TNPO3: variants seen among roughly 807,000 people sequenced by gnomAD.
TNPO3 encodes the protein transportin 3.
In TNPO3, 65 loss-of-function variants were observed where a neutral mutation model predicts 122.8. The ratio of observed to expected loss-of-function variants is 0.53; its 90% CI spans 0.43 to 0.65. The LOEUF (loss-of-function observed/expected upper bound fraction) is 0.65, where lower values mean the gene tolerates loss of function less well. Ranked by LOEUF, TNPO3 falls within the 30% of genes least tolerant of loss-of-function variation. The pLI is 0.00. For synonymous variants in TNPO3, 372 were observed against 411.2 expected, an observed-to-expected ratio of 0.90 and a Z score of 1.15; for missense variants, 850 against 1,136.7, an observed-to-expected ratio of 0.75 and a Z score of 3.63.
rs77384553 is a variant in TNPO3 at position 128,978,291 on chromosome 7, A to G, written c.2061+692T>C. Among the ~76,000 whole-genome samples, 754 of 152,326 alleles carry G rather than the reference A, an allele frequency of 4.9e-3. 3 individuals are homozygous for G. Among genetic ancestry groups the G allele is most frequent in the Non-Finnish European group, 7.7e-3 (523 of 68,024 alleles). ...CAATCTTAATGACTAAAAGAGTCAA[A>G]TTTATTTTTTGACAAGAGACTTCTG... On this transcript the variant is annotated intron_variant, in intron 16 of 22. Coordinates refer to ENST00000265388, the MANE Select transcript of TNPO3 (RefSeq NM_012470.4).
In TNPO3 at chr7:129,000,107, T is replaced by G. The variant is rs79089815; in HGVS notation, c.1011+322A>C. 4.3e-3 allele frequency among the ~76,000 whole-genome samples: 661 copies of G among 152,242 alleles called. 7 individuals carry two copies. Among genetic ancestry groups the G allele is most frequent in the African/African-American group, 0.015 (641 of 41,524 alleles). ...GTGTTAAGACTTGTGGAGGTATAGT[T>G]AGAATTTGGTGTTTTTTAGCTGTAA... is the stretch of plus-strand genomic sequence containing the variant. On this transcript the variant is annotated intron_variant, in intron 7 of 22. Transcript: ENST00000265388.
intron 21 of TNPO3, among the ~76,000 whole-genome samples, chr7:128,960,894 G>A (rs1035027652): frequency 6.6e-6 from 1 of 151,852 alleles, no homozygotes; most frequent in Admixed American, 6.6e-5. Flanking sequence ...TGAGTAGCTG[G>A]GATTACAAGT....
At chr7:128,992,155 C>CA in intron 9 of TNPO3, 65 bp from the exon 10 acceptor site, 1 of 884,410 alleles carries the variant, frequency 1.1e-6, no homozygotes, top group Non-Finnish European at 1.8e-6. Context: ...ACAAACAAAA[C>CA]AAAAAATCCA....
chr7:129,026,886 G>A (rs191541284), intron 1 of TNPO3, among the ~76,000 whole-genome samples: 1 of 152,014 alleles, frequency 6.6e-6, no homozygotes, highest in African/African-American at 2.4e-5. Flanking sequence ...TCAAATTCTT[G>A]GGCTCAAGTG....
rs548023908 is a variant in TNPO3, at chr7:129,031,391, A to C, written c.121-13234T>G. Among the ~76,000 whole-genome samples, 87 of 152,340 alleles carry C rather than the reference A, an allele frequency of 5.7e-4. 4 individuals carry two copies. In the South Asian group the frequency reaches 0.018, roughly 31 times the overall value. On this transcript the variant is annotated intron_variant, in intron 1 of 22. Transcript: ENST00000265388. Reference sequence around the variant, plus strand: ...TATTACTACCAATTTTACAGAAATAAAAAGGGTTATAAAAAGTATTATGAA... The same window carrying C: ...TATTACTACCAATTTTACAGAAATACAAAGGGTTATAAAAAGTATTATGAA...
intron 21 of TNPO3, among the ~76,000 whole-genome samples, chr7:128,958,389 C>T (rs957491163): frequency 2.6e-5 from 4 of 152,036 alleles, no homozygotes; most frequent in Admixed American, 2.0e-4. Context: ...GTGATCCGCC[C>T]GCCTCGGCCT....
At chr7:129,017,923 T>C (rs777799454) in intron 2 of TNPO3, 34 bp downstream of exon 2, 7 of 1,603,064 alleles carry the variant, frequency 4.4e-6, no homozygotes, top group African/African-American at 4.0e-5. Flanking sequence ...CAAATGGCCA[T>C]ACAAATTTCT....
At chr7:129,026,556 C>T (rs1805202365) in intron 1 of TNPO3, among the ~76,000 whole-genome samples, 1 of 151,922 alleles carries the variant, frequency 6.6e-6, no homozygotes, top group Non-Finnish European at 1.5e-5. Context: ...GCATGTGCCA[C>T]CACACCCAGC....
chr7:129,029,074 T>C (rs1805599729), intron 1 of TNPO3: 1 of 276,998 alleles, frequency 3.6e-6, no homozygotes, highest in Non-Finnish European at 7.1e-6. Flanking sequence ...AAGCTCTTCC[T>C]CATGTCACCC....
intron 18 of TNPO3, 95 bp from the exon 19 acceptor site, chr7:128,972,677 T>C (rs1203411877): frequency 8.6e-7 from 1 of 1,169,298 alleles, no homozygotes; most frequent in African/African-American, 1.5e-5. Flanking sequence ...GTAAAAAAGA[T>C]CAGTGGTTGG....
intron 10 of TNPO3, 93 bp from the exon 11 acceptor site, chr7:128,990,193 G>A: frequency 7.2e-7 from 1 of 1,387,864 alleles, no homozygotes; most frequent in East Asian, 2.3e-5. Flanking sequence ...CATTGCTAAA[G>A]GGCTTCTTTC....
chr7:129,041,128 G>A (rs1303547437), intron 1 of TNPO3, among the ~76,000 whole-genome samples: 1 of 152,164 alleles, frequency 6.6e-6, no homozygotes, highest in Non-Finnish European at 1.5e-5. Flanking sequence ...GCTTTCAGAG[G>A]CCTAGGCAGG....
intron 19 of TNPO3, 123 bp from the exon 20 acceptor site, chr7:128,970,438 CTGTG>C (rs1011300493): frequency 1.6e-5 from 13 of 825,734 alleles, no homozygotes; most frequent in South Asian, 7.3e-5. Flanking sequence ...GCACGCGTGG[CTGTG>C]TGTGTGTGTA....
chr7:128,970,236 A>C lies in TNPO3; in HGVS notation c.2510T>G (p.Leu837Arg), dbSNP rs1451786316. ...NQLGQQLVSQ[L>R]LHTCCFCLPP... Reference sequence around the variant, plus strand: ...GAGGCAAAAGCAGCAGGTGTGCAGCAGCTGGCTGACAAGCTGCTGTCCAAG... The same window carrying C: ...GAGGCAAAAGCAGCAGGTGTGCAGCCGCTGGCTGACAAGCTGCTGTCCAAG... The change falls in exon 20 of 23, where the codon CTG becomes CGG. Residue 837 changes from leucine to arginine, a missense_variant. Transcript: ENST00000265388. The C allele has an allele frequency of 6.2e-7, 1 of 1,614,154 alleles. No individual in the cohort carries two copies. The highest frequency in any genetic ancestry group is 2.2e-5 in the East Asian group (1 of 44,880).
chr7:128,959,247 A>G (rs567165824), intron 21 of TNPO3, among the ~76,000 whole-genome samples: 21 of 152,362 alleles, frequency 1.4e-4, no homozygotes, highest in Middle Eastern at 6.8e-3. Context: ...ATCACAAGGG[A>G]CTAGGATAAC....
intron 1 of TNPO3, among the ~76,000 whole-genome samples, chr7:129,040,073 G>A (rs1184263466): frequency 2.0e-5 from 3 of 152,044 alleles, no homozygotes; most frequent in African/African-American, 4.8e-5. Flanking sequence ...TGGCCAACAC[G>A]GTGAAACCCC....
At chr7:128,962,060 A>AC (rs764045184) in intron 21 of TNPO3, among the ~76,000 whole-genome samples, 107 of 152,262 alleles carry the variant, frequency 7.0e-4, no homozygotes, top group South Asian at 5.0e-3. Flanking sequence ...CTTCAAGTTG[A>AC]CCAACTAAAA....
chr7:129,039,501 A>C (rs1189577066), intron 1 of TNPO3, among the ~76,000 whole-genome samples: 1 of 152,206 alleles, frequency 6.6e-6, no homozygotes, highest in Non-Finnish European at 1.5e-5. Context: ...CAGAGGTTGC[A>C]GTGAGCAGAA....
In TNPO3 at chr7:129,001,226, A is replaced by T; in HGVS notation, c.705T>A (p.Asp235Glu). Residue 235 changes from aspartate (D) to glutamate (E), a missense_variant, in exon 6 of 23, where the codon GAT becomes GAA. By Grantham distance (45) the Asp-to-Glu change is conservative. Coordinates refer to ENST00000265388, the MANE Select transcript of TNPO3 (RefSeq NM_012470.4). ...LALLFEVLQQ[D>E]KTSSNLHEAA... is the part of the protein sequence containing the mutation. ...CTTCATGTAGGTTAGACGAGGTCTT[A>T]TCCTGTTGCTGGGGAGGTAGCAGGA... is the stretch of plus-strand genomic sequence containing the variant. 6.2e-7 allele frequency: 1 copy of T among 1,603,316 alleles called. No individual in the cohort carries two copies. The highest frequency in any genetic ancestry group is 8.5e-7 in the Non-Finnish European group (1 of 1,171,352).
Sources: allele counts gnomAD v4.1 joint callset (sites outside exome capture counted in the v4.1 genomes callset), GRCh38; gene constraint gnomAD v4.1.1; transcripts MANE v1.5; gene names NCBI Gene and HGNC (gene_info 2026-07-23, HGNC 2026-07-21).